CERS5: variants seen among roughly 807,000 people sequenced by gnomAD.
The protein encoded by CERS5 is ceramide synthase 5.
In CERS5, 37 loss-of-function variants were observed where a neutral mutation model predicts 58.9. The observed-to-expected ratio is 0.63, with a 90% CI of 0.48 to 0.83. The LOEUF is 0.83. Ranked by LOEUF, CERS5 falls within the 40% of genes least tolerant of loss-of-function variation. CERS5 has a pLI of 0.00. For synonymous variants in CERS5, 147 were observed against 177.8 expected (o/e 0.83, Z 1.38); for missense variants, 398 against 489.3 (o/e 0.81, Z 1.76).
Position 50,140,284 on chromosome 12 carries a change from A to ATTTTTTTTTT in CERS5, c.493-1677_493-1668dup, listed in dbSNP as rs57651378. ...TTGAGAAGAGTTGTTTAACTTCCAA[A>ATTTTTTTTTT]TTTTTTTTTTTTTTTTTTTTTTTTT... is the stretch of plus-strand genomic sequence containing the variant. On this transcript the variant is annotated intron_variant, in intron 4 of 9. Coordinates refer to ENST00000317551, the MANE Select transcript of CERS5 (RefSeq NM_147190.5). Among the ~76,000 whole-genome samples, 26 of 96,250 alleles carry ATTTTTTTTTT rather than the reference A, an allele frequency of 2.7e-4. 1 individual carries two copies. Among genetic ancestry groups the ATTTTTTTTTT allele is most frequent in the African/African-American group, 1.0e-3 (23 of 22,352 alleles). 63.1% of individuals were successfully genotyped at this position (96,250 alleles called of 152,430 possible).
intron 3 of CERS5, among the ~76,000 whole-genome samples, 168 bp downstream of exon 3, chr12:50,142,906 G>A (rs1169437584): frequency 2.6e-5 from 4 of 152,068 alleles, no homozygotes; most frequent in Non-Finnish European, 1.5e-5. Flanking sequence ...GAAACTTAAG[G>A]GAATCAGTGT....
At chr12:50,166,694 C>T (rs112315689) in intron 1 of CERS5, among the ~76,000 whole-genome samples, 22 of 152,192 alleles carry the variant, frequency 1.4e-4, no homozygotes, top group Non-Finnish European at 2.2e-4. Context: ...TGCGTTGACC[C>T]CTCGGCTTCC....
At chr12:50,164,480 C>T (rs190924782) in intron 1 of CERS5, among the ~76,000 whole-genome samples, 4 of 152,088 alleles carry the variant, frequency 2.6e-5, no homozygotes, top group Admixed American at 6.6e-5. Context: ...AAGACCAGAA[C>T]GGTAAAAGAG....
chr12:50,148,944 A>ATGTGTG (rs1324420580), intron 1 of CERS5, among the ~76,000 whole-genome samples: 3 of 121,232 alleles, frequency 2.5e-5, no homozygotes, highest in Admixed American at 8.3e-5. Flanking sequence ...ATATATATAT[A>ATGTGTG]TATGTGTGTG....
rs766551381 is a variant in CERS5 at position 50,137,792 on chromosome 12, T to C, written c.572A>G (p.Tyr191Cys). ...QPLSSGLYHY[Y>C]IMELAFYWSL... ...CCAATAGAAGGCCAATTCCATGATA[T>C]AATAGTGATAAAGCCCACTTGAAAG... The change falls in exon 6 of 10, where the codon TAT becomes TGT. Residue 191 changes from tyrosine to cysteine, a missense_variant. Transcript: ENST00000317551. The C allele has an allele frequency of 3.1e-6, 5 of 1,608,134 alleles. No individual in the cohort carries two copies. The South Asian group carries it at 5.5e-5, about 18-fold the overall frequency.
At chr12:50,166,811 G>T (rs1939948820) in intron 1 of CERS5, among the ~76,000 whole-genome samples, 1 of 152,104 alleles carries the variant, frequency 6.6e-6, no homozygotes, top group East Asian at 1.9e-4. Flanking sequence ...GACCCTTGGA[G>T]GTTGGGAGGA....
chr12:50,145,213 G>C (rs1368222360), intron 1 of CERS5, among the ~76,000 whole-genome samples: 1 of 148,074 alleles, frequency 6.8e-6, no homozygotes, highest in African/African-American at 2.5e-5. Flanking sequence ...AGATTTTTTT[G>C]TATATCTAAG....
intron 1 of CERS5, among the ~76,000 whole-genome samples, chr12:50,162,784 A>G (rs1939450062): frequency 1.3e-5 from 2 of 151,956 alleles, no homozygotes; most frequent in Admixed American, 6.6e-5. Flanking sequence ...TTGTATTTTT[A>G]GTAGAGATGG....
chr12:50,151,237 G>T (rs1316928776), intron 1 of CERS5, among the ~76,000 whole-genome samples: 1 of 152,116 alleles, frequency 6.6e-6, no homozygotes, highest in Non-Finnish European at 1.5e-5. Context: ...TCTTGCCAAA[G>T]TTGTCAATGA....
At chr12:50,143,364 C>A in intron 2 of CERS5, 160 bp from the exon 3 acceptor site, 1 of 760,680 alleles carries the variant, frequency 1.3e-6, no homozygotes, top group South Asian at 1.8e-5. Flanking sequence ...GAAATTTTAT[C>A]TTACATATCA....
chr12:50,158,786 C>T (rs1938943153), intron 1 of CERS5, among the ~76,000 whole-genome samples: 1 of 152,124 alleles, frequency 6.6e-6, no homozygotes, highest in Non-Finnish European at 1.5e-5. Context: ...CGACTGCTTA[C>T]TAATGCTGAC....
At position 50,155,931 on chromosome 12, in the gene CERS5, C is replaced by T. The variant is rs575168183; in HGVS notation, c.197+11170G>A. Among the ~76,000 whole-genome samples the T allele has an allele frequency of 1.4e-4, 21 of 149,594 alleles. No individual in the cohort carries two copies. In the South Asian group the frequency reaches 3.6e-3, roughly 26 times the overall value. Reference sequence around the variant, plus strand: ...CAGCCTGACCAATATGGTGAAACCCCGTCTCTACTAAAAATACAAAAATTA... The same window carrying T: ...CAGCCTGACCAATATGGTGAAACCCTGTCTCTACTAAAAATACAAAAATTA... On this transcript the variant is annotated intron_variant, in intron 1 of 9. Coordinates refer to ENST00000317551, the MANE Select transcript of CERS5 (RefSeq NM_147190.5).
chr12:50,161,869 C>CTTTTT (rs765766688), intron 1 of CERS5, among the ~76,000 whole-genome samples: 136 of 67,294 alleles, frequency 2.0e-3, no homozygotes, highest in Non-Finnish European at 2.2e-3. Context: ...TGTTCTTCTT[C>CTTTTT]TTTTTTTTTT....
intron 1 of CERS5, among the ~76,000 whole-genome samples, chr12:50,155,937 T>C (rs1938546776): frequency 6.8e-6 from 1 of 147,994 alleles, no homozygotes. Flanking sequence ...ACCCCGTCTC[T>C]ACTAAAAATA....
intron 4 of CERS5, among the ~76,000 whole-genome samples, chr12:50,140,387 GA>G (rs1159066184): frequency 7.0e-6 from 1 of 143,280 alleles, no homozygotes; most frequent in Non-Finnish European, 1.5e-5. Context: ...AGGTTCAAGC[GA>G]TTCTCGTGCC....
chr12:50,134,302 G>A (rs1289571212), intron 9 of CERS5: 9 of 945,292 alleles, frequency 9.5e-6, no homozygotes, highest in East Asian at 3.5e-5. Flanking sequence ...TCCAAGCCCA[G>A]GTGTGAGGCT....
intron 2 of CERS5, chr12:50,143,705 G>GA (rs1174292075): frequency 2.3e-6 from 1 of 428,854 alleles, no homozygotes; most frequent in East Asian, 3.8e-5. Flanking sequence ...TGTGTCTGGG[G>GA]AAAGAGGGGT....
rs1286973937 is a variant in CERS5 at position 50,167,275 on chromosome 12, G to A, written c.23C>T (p.Pro8Leu). ...CAGCCAGCCCCACAGCAAGCTTAGG[G>A]GTCCCTGCGCTGCTGTCGCCATCTT... MATAAQG[P>L]LSLLWGWLWS... Residue 8 changes from proline (P) to leucine (L), a missense_variant, in exon 1 of 10, where the codon CCC becomes CTC. Transcript: ENST00000317551. 1.9e-6 allele frequency: 3 copies of A among 1,569,964 alleles called. No homozygotes were observed. Among genetic ancestry groups the A allele is most frequent in the African/African-American group, 1.4e-5 (1 of 70,140 alleles).
At position 50,138,563 on chromosome 12, in the gene CERS5, CT is replaced by C; in HGVS notation, c.543+3del. The C allele has an allele frequency of 6.2e-7, 1 of 1,613,466 alleles. No homozygotes were observed. The highest frequency in any genetic ancestry group is 2.2e-5 in the East Asian group (1 of 44,872). ...CCCCTATCCTGAAACGACTCAGATC[CT>C]ACCTGAAATGGATAGTTATGCCAGC... On this transcript the variant is annotated splice_donor_region_variant and intron_variant, in intron 5 of 9. Transcript: ENST00000317551.
Sources: allele counts gnomAD v4.1 joint callset (sites outside exome capture counted in the v4.1 genomes callset), GRCh38; gene constraint gnomAD v4.1.1; transcripts MANE v1.5; gene names NCBI Gene and HGNC (gene_info 2026-07-23, HGNC 2026-07-21).